Variants in AGBL4 observed in about 807,000 individuals in gnomAD.
AGBL4 encodes AGBL carboxypeptidase 4, also known as cytosolic carboxypeptidase 6.
A neutral mutation model predicts 66.4 loss-of-function variants in AGBL4; 58 were observed. That is an observed-to-expected ratio of 0.87 (90% CI 0.71 to 1.09). AGBL4 has a LOEUF of 1.09. AGBL4 is among the 50% of genes least tolerant of loss of function. The probability of loss-of-function intolerance (pLI) is 0.00; values close to 1 mark genes in which losing one functional copy is unlikely to be tolerated. For missense variants in AGBL4, 579 were observed against 631.0 expected, an observed-to-expected ratio of 0.92 and a Z score of 0.88; for synonymous variants, 234 against 222.9, an observed-to-expected ratio of 1.05 and a Z score of -0.44.
At position 48,533,896 on chromosome 1, in the gene AGBL4, T is replaced by C; in HGVS notation, c.*277A>G. 1 of 450,370 alleles carries C rather than the reference T, an allele frequency of 2.2e-6. No homozygotes were observed. The highest frequency in any genetic ancestry group is 2.2e-5 in the South Asian group (1 of 45,900). The allele number at this position is 450,370 out of a possible 1,614,324, so 27.9% of individuals were successfully genotyped here. ...AAAAGGGATGTGTAGGTTTTCCTCA[T>C]CTTGGAAGATCTCTATGTTGTAGAA... On this transcript the variant is annotated 3_prime_UTR_variant, in exon 14 of 14. Coordinates refer to ENST00000371839, the MANE Select transcript of AGBL4 (RefSeq NM_032785.4).
chr1:49,445,859 T>TTTTA (rs1646143152), intron 3 of AGBL4, among the ~76,000 whole-genome samples: 1 of 152,156 alleles, frequency 6.6e-6, no homozygotes, highest in Non-Finnish European at 1.5e-5. Flanking sequence ...TATTTATTTA[T>TTTTA]TTATTGTTTT....
chr1:49,741,842 A>C (rs563412450), intron 2 of AGBL4, among the ~76,000 whole-genome samples: 2 of 152,288 alleles, frequency 1.3e-5, no homozygotes, highest in South Asian at 4.1e-4. Context: ...CTTTGACAAA[A>C]TTCAACAACA....
At chr1:49,972,841 T>C (rs186798566) in intron 1 of AGBL4, among the ~76,000 whole-genome samples, 2 of 152,360 alleles carry the variant, frequency 1.3e-5, no homozygotes, top group Admixed American at 1.3e-4. Flanking sequence ...CTGGGGATCT[T>C]AGAACATATC....
intron 5 of AGBL4, among the ~76,000 whole-genome samples, chr1:48,930,602 G>C (rs1298285077): frequency 6.6e-6 from 1 of 152,182 alleles, no homozygotes; most frequent in African/African-American, 2.4e-5. Context: ...ACCTTGGGCA[G>C]ATCCTCTTCC....
intron 5 of AGBL4, among the ~76,000 whole-genome samples, chr1:48,897,465 A>G (rs1335243022): frequency 2.0e-5 from 3 of 152,222 alleles, no homozygotes; most frequent in African/African-American, 7.2e-5. Context: ...TTTTTGATAT[A>G]CAGATTTCCT....
rs1462320846 is a variant in AGBL4 at position 48,944,680 on chromosome 1, C to A, written c.595-77450G>T. ...CAGCCTGTGTTTTCTGCAAACTGCC[C>A]CCCGCAACCCTTCTCCTACCCCCAG... On this transcript the variant is annotated intron_variant, in intron 5 of 13. Coordinates refer to ENST00000371839, the MANE Select transcript of AGBL4 (RefSeq NM_032785.4). Among the ~76,000 whole-genome samples, 5 of 152,096 alleles carry A rather than the reference C, an allele frequency of 3.3e-5. No individual in the cohort carries two copies. The East Asian group carries it at 9.6e-4, about 29-fold the overall frequency.
intron 6 of AGBL4, among the ~76,000 whole-genome samples, chr1:48,782,515 CTAA>C (rs1645320333): frequency 6.6e-6 from 1 of 152,208 alleles, no homozygotes; most frequent in Non-Finnish European, 1.5e-5. Flanking sequence ...AACCTCTCTG[CTAA>C]TGATTGACCA....
intron 9 of AGBL4, among the ~76,000 whole-genome samples, chr1:48,599,796 C>A (rs1199460573): frequency 6.6e-6 from 1 of 152,086 alleles, no homozygotes; most frequent in Non-Finnish European, 1.5e-5. Flanking sequence ...CCACTGAATG[C>A]AAGACAGGAA....
intron 3 of AGBL4, among the ~76,000 whole-genome samples, chr1:49,580,443 T>C (rs977355020): frequency 6.6e-6 from 1 of 152,216 alleles, no homozygotes; most frequent in Admixed American, 6.5e-5. Context: ...TCTGTAATGG[T>C]GCAATTTGAT....
intron 1 of AGBL4, among the ~76,000 whole-genome samples, chr1:49,960,902 T>C (rs1657066516): frequency 6.6e-6 from 1 of 151,860 alleles, no homozygotes; most frequent in African/African-American, 2.4e-5. Flanking sequence ...AACTTGACAA[T>C]TATTACATGA....
chr1:48,530,203 G>A (rs903667787), downstream of AGBL4, among the ~76,000 whole-genome samples: 2 of 152,114 alleles, frequency 1.3e-5, no homozygotes. Flanking sequence ...GTAAAAAAAA[G>A]GTGTTTACCT....
At chr1:49,284,338 C>A (rs1055765741) in intron 3 of AGBL4, among the ~76,000 whole-genome samples, 3 of 151,708 alleles carry the variant, frequency 2.0e-5, no homozygotes, top group Non-Finnish European at 4.4e-5. Context: ...ATTTTGTCAC[C>A]ACCAGGCCTT....
intron 3 of AGBL4, among the ~76,000 whole-genome samples, chr1:49,299,947 T>C (rs1273177793): frequency 6.6e-6 from 1 of 152,218 alleles, no homozygotes; most frequent in Non-Finnish European, 1.5e-5. Context: ...TTTGCATACC[T>C]GGAATAAATC....
chr1:49,070,527 A>C (rs545115275), intron 4 of AGBL4, among the ~76,000 whole-genome samples: 32 of 151,882 alleles, frequency 2.1e-4, no homozygotes, highest in Non-Finnish European at 4.3e-4. Flanking sequence ...TATGTGATGG[A>C]TTATGTTTAT....
At chr1:49,107,511 G>C (rs945189862) in intron 4 of AGBL4, among the ~76,000 whole-genome samples, 3 of 152,062 alleles carry the variant, frequency 2.0e-5, no homozygotes, top group African/African-American at 7.2e-5. Context: ...CTTAAGAGCA[G>C]GTGTGACTAA....
At chr1:49,563,771 T>G (rs1403032415) in intron 3 of AGBL4, among the ~76,000 whole-genome samples, 1 of 152,122 alleles carries the variant, frequency 6.6e-6, no homozygotes, top group Non-Finnish European at 1.5e-5. Flanking sequence ...TAAAATTCTC[T>G]TTTTTTGTTG....
At chr1:49,689,535 G>T (rs1646847503) in intron 3 of AGBL4, among the ~76,000 whole-genome samples, 1 of 152,062 alleles carries the variant, frequency 6.6e-6, no homozygotes, top group Non-Finnish European at 1.5e-5. Context: ...TTTTTGCTCA[G>T]GATAGCTTTG....
chr1:49,082,478 G>A (rs1644825680), intron 4 of AGBL4, among the ~76,000 whole-genome samples: 1 of 152,190 alleles, frequency 6.6e-6, no homozygotes, highest in African/African-American at 2.4e-5. Context: ...TTTCACATGT[G>A]GCAGGCAAGA....
intron 3 of AGBL4, among the ~76,000 whole-genome samples, chr1:49,377,655 T>A (rs1644499654): frequency 6.6e-6 from 1 of 152,100 alleles, no homozygotes; most frequent in Non-Finnish European, 1.5e-5. Context: ...CACAAAAGAC[T>A]TATAGCAATA....
Sources: gnomAD v4.1 joint callset for allele counts (sites outside exome capture counted in the v4.1 genomes callset) on GRCh38, gnomAD v4.1.1 for gene constraint, MANE v1.5 for transcripts, NCBI Gene and HGNC (gene_info 2026-07-23, HGNC 2026-07-21) for gene names.